Variants in CFAP221 observed in about 807,000 individuals in gnomAD.
CFAP221 encodes the protein cilia- and flagella-associated protein 221.
In CFAP221, 97 loss-of-function variants were observed where a neutral mutation model predicts 113.1. The observed-to-expected ratio is 0.86, with a 90% CI of 0.73 to 1.02. CFAP221 has a LOEUF of 1.02. Ranked by LOEUF, CFAP221 falls within the 50% of genes least tolerant of loss-of-function variation. CFAP221 has a pLI of 0.00. For synonymous variants in CFAP221, 331 were observed against 354.4 expected, an observed-to-expected ratio of 0.93 and a Z score of 0.74; for missense variants, 1,025 against 1,013.4, an observed-to-expected ratio of 1.01 and a Z score of -0.16.
intron 6 of CFAP221, among the ~76,000 whole-genome samples, chr2:119,569,044 A>G (rs975230451): frequency 1.3e-5 from 2 of 151,682 alleles, no homozygotes; most frequent in Non-Finnish European, 2.9e-5. Context: ...TCTTGCTTCC[A>G]TGGTTTCTGA....
At chr2:119,584,050 C>T (rs976874011) in intron 6 of CFAP221, among the ~76,000 whole-genome samples, 1 of 152,122 alleles carries the variant, frequency 6.6e-6, no homozygotes, top group African/African-American at 2.4e-5. Flanking sequence ...TGTATAAGCT[C>T]ATTATGGAGA....
At chr2:119,652,303 C>A (rs951580372) in intron 23 of CFAP221, among the ~76,000 whole-genome samples, 6 of 152,192 alleles carry the variant, frequency 3.9e-5, no homozygotes, top group Non-Finnish European at 8.8e-5. Flanking sequence ...ATGTGCTTAT[C>A]AATCAATTTC....
intron 23 of CFAP221, among the ~76,000 whole-genome samples, chr2:119,654,317 C>T (rs1438395036): frequency 1.3e-5 from 2 of 152,158 alleles, no homozygotes; most frequent in East Asian, 1.9e-4. Context: ...CTACCCAGCA[C>T]ATAAAACCTC....
chr2:119,635,863 G>A (rs1687081087), intron 19 of CFAP221, among the ~76,000 whole-genome samples: 3 of 152,118 alleles, frequency 2.0e-5, no homozygotes, highest in African/African-American at 7.2e-5. Context: ...GAAAGGGTAG[G>A]CTCCAAGCAC....
At chr2:119,636,504 G>A (rs751207375) in intron 19 of CFAP221, among the ~76,000 whole-genome samples, 3 of 152,210 alleles carry the variant, frequency 2.0e-5, no homozygotes, top group Admixed American at 2.0e-4. Flanking sequence ...TAGGAAAGAA[G>A]TTTGGAAGGG....
intron 21 of CFAP221, among the ~76,000 whole-genome samples, chr2:119,641,115 A>G (rs941871662): frequency 6.6e-6 from 1 of 152,100 alleles, no homozygotes; most frequent in African/African-American, 2.4e-5. Flanking sequence ...CTCCTTCATC[A>G]TCTTCATTGA....
At chr2:119,547,116 C>CATA (rs1293584788) in intron 2 of CFAP221, among the ~76,000 whole-genome samples, 4 of 152,196 alleles carry the variant, frequency 2.6e-5, no homozygotes, top group African/African-American at 9.7e-5. Flanking sequence ...AATGTGAGGA[C>CATA]ATAATAGTGT....
At chr2:119,585,647 A>G (rs1558935814) in intron 6 of CFAP221, among the ~76,000 whole-genome samples, 1 of 152,246 alleles carries the variant, frequency 6.6e-6, no homozygotes, top group East Asian at 1.9e-4. Context: ...TTTAAAGATA[A>G]TAAATTTTAA....
chr2:119,644,068 G>A (rs1296511210), intron 21 of CFAP221, among the ~76,000 whole-genome samples: 4 of 151,970 alleles, frequency 2.6e-5, no homozygotes, highest in African/African-American at 7.2e-5. Context: ...CAGGAGAATC[G>A]CTTCAACCCG....
chr2:119,611,530 C>A, intron 12 of CFAP221, 123 bp from the exon 13 acceptor site: 1 of 727,406 alleles, frequency 1.4e-6, no homozygotes, highest in Non-Finnish European at 2.3e-6. Flanking sequence ...TGTTTCACCA[C>A]TTCCAATGGG....
Position 119,605,375 on chromosome 2 carries a change from T to C in CFAP221, c.1133+86T>C, listed in dbSNP as rs969624771. 2.4e-5 allele frequency: 25 copies of C among 1,060,466 alleles called. No homozygotes were observed. In the African/African-American group the frequency reaches 3.8e-4, roughly 16 times the overall value. The allele number at this position is 1,060,466 out of a possible 1,614,324, so 65.7% of individuals were successfully genotyped here. On this transcript the variant is annotated intron_variant, in intron 11 of 23. Coordinates refer to ENST00000413369, the MANE Select transcript of CFAP221 (RefSeq NM_001271049.2). ...TTTATAAATGAGAGACAGTAAAATGTAATAACCTTTTAGGTACTTTGGAGA... is the reference window on the plus strand; with the variant it reads ...TTTATAAATGAGAGACAGTAAAATGCAATAACCTTTTAGGTACTTTGGAGA...
At chr2:119,568,752 T>C (rs1478086519) in intron 6 of CFAP221, among the ~76,000 whole-genome samples, 1 of 152,188 alleles carries the variant, frequency 6.6e-6, no homozygotes, top group African/African-American at 2.4e-5. Flanking sequence ...GATGGGCATT[T>C]GGGTTGATTC....
intron 6 of CFAP221, chr2:119,580,247 A>C (rs1454227428): frequency 6.6e-6 from 1 of 152,178 alleles, no homozygotes; most frequent in African/African-American, 2.4e-5. Flanking sequence ...TTAAGACAGG[A>C]TTTGTGAGTT....
chr2:119,568,794 C>T (rs1032717426), intron 6 of CFAP221, among the ~76,000 whole-genome samples: 8 of 152,078 alleles, frequency 5.3e-5, no homozygotes, highest in East Asian at 1.9e-4. Context: ...AGTGCTGCAA[C>T]GATTGTTCTT....
intron 11 of CFAP221, 97 bp downstream of exon 11, chr2:119,605,386 T>A (rs1476877243): frequency 2.1e-6 from 2 of 957,620 alleles, no homozygotes; most frequent in East Asian, 2.6e-5. Flanking sequence ...AATAACCTTT[T>A]AGGTACTTTG....
intron 3 of CFAP221, among the ~76,000 whole-genome samples, chr2:119,553,076 G>A (rs1374755910): frequency 7.2e-5 from 11 of 152,228 alleles, no homozygotes; most frequent in Admixed American, 7.2e-4. Context: ...GTAGCAGAAA[G>A]TGTTTCAAAA....
chr2:119,554,444 T>C (rs934428979), intron 3 of CFAP221, among the ~76,000 whole-genome samples: 1 of 152,200 alleles, frequency 6.6e-6, no homozygotes, highest in Non-Finnish European at 1.5e-5. Context: ...AAGTAAATAA[T>C]CCATCAATTT....
intron 17 of CFAP221, 85 bp downstream of exon 17, chr2:119,630,040 G>A: frequency 7.9e-7 from 1 of 1,262,654 alleles, no homozygotes; most frequent in South Asian, 1.3e-5. Flanking sequence ...GTGTTTTATA[G>A]TTTTGCTTTA....
In CFAP221 at chr2:119,604,944, A is replaced by C. The variant is rs1684631932; in HGVS notation, c.981A>C (p.Leu327Phe). The C allele has an allele frequency of 1.9e-6, 3 of 1,614,020 alleles. No individual in the cohort carries two copies. The highest frequency in any genetic ancestry group is 2.2e-5 in the South Asian group (2 of 91,082). The change falls in exon 10 of 24, where the codon TTA (leucine) becomes TTC (phenylalanine). Residue 327 changes from leucine to phenylalanine, a missense_variant. Physicochemically the swap from Leu to Phe is conservative, Grantham distance 22 (BLOSUM62 0). Coordinates refer to ENST00000413369, the MANE Select transcript of CFAP221 (RefSeq NM_001271049.2). ...LSNPFAVATV[L>F]NQEPGKLKIK... ...ATCCATTTGCTGTGGCAACTGTTTT[A>C]AACCAAGAACCAGGAAAATTGAAGA...
Sources: allele counts gnomAD v4.1 joint callset (sites outside exome capture counted in the v4.1 genomes callset), GRCh38; gene constraint gnomAD v4.1.1; transcripts MANE v1.5; gene names NCBI Gene and HGNC (gene_info 2026-07-23, HGNC 2026-07-21).